The following SHISA9 variants were observed in gnomAD, a reference collection of about 807,000 sequenced individuals.
SHISA9 encodes shisa family member 9.
In SHISA9, 13 loss-of-function variants were observed where a neutral mutation model predicts 38.0. That is an observed-to-expected ratio of 0.34 (90% CI 0.22 to 0.54). The LOEUF (loss-of-function observed/expected upper bound fraction) is 0.54, where lower values mean the gene tolerates loss of function less well. Among genes scored for constraint, SHISA9 ranks in the 20% least tolerant of loss-of-function variants. The pLI, the probability that SHISA9 is intolerant of heterozygous loss-of-function variation, is 0.91. For missense variants in SHISA9, 538 were observed against 575.8 expected, an observed-to-expected ratio of 0.93 and a Z score of 0.67; for synonymous variants, 275 against 242.0, an observed-to-expected ratio of 1.14 and a Z score of -1.27.
intron 2 of SHISA9, among the ~76,000 whole-genome samples, chr16:13,075,048 T>C (rs1320599043): frequency 6.6e-6 from 1 of 152,166 alleles, no homozygotes; most frequent in Admixed American, 6.5e-5. Flanking sequence ...GTAGAGATGA[T>C]TGTACCCAGT....
chr16:12,965,827 A>G (rs1474957467), intron 2 of SHISA9, among the ~76,000 whole-genome samples: 1 of 152,250 alleles, frequency 6.6e-6, no homozygotes, highest in Non-Finnish European at 1.5e-5. Context: ...GTCAGTGCTC[A>G]GTAAATAAGA....
chr16:13,492,163 C>A, the SHISA9 span, among the ~76,000 whole-genome samples: 3 of 151,966 alleles, frequency 2.0e-5, no homozygotes, highest in African/African-American at 7.3e-5. Context: ...TGATAACCAG[C>A]CCTAGTCAAT....
chr16:13,380,000 ATTATT>A, the SHISA9 span, among the ~76,000 whole-genome samples: 59 of 152,294 alleles, frequency 3.9e-4, no homozygotes, highest in African/African-American at 1.4e-3. Flanking sequence ...AAAGATAACA[ATTATT>A]TTAAAGAATT....
At chr16:12,970,392 T>TATATATATAC (rs1567357003) in intron 2 of SHISA9, among the ~76,000 whole-genome samples, 699 of 9,604 alleles carry the variant, frequency 0.073, 31 homozygotes, top group East Asian at 0.15. Flanking sequence ...CATATATGTA[T>TATATATATAC]ATATATATAT....
chr16:13,182,258 CA>C (rs1361698329), intron 2 of SHISA9, among the ~76,000 whole-genome samples: 2 of 152,088 alleles, frequency 1.3e-5, no homozygotes, highest in South Asian at 2.1e-4. Flanking sequence ...CGGTGAGGGA[CA>C]GGGGACATCA....
intron 3 of SHISA9, among the ~76,000 whole-genome samples, chr16:13,207,542 G>C (rs933001985): frequency 6.6e-6 from 1 of 151,920 alleles, no homozygotes; most frequent in African/African-American, 2.4e-5. Flanking sequence ...AGCATCCCAC[G>C]TGGGACACCT....
At chr16:13,355,844 C>T in the SHISA9 span, among the ~76,000 whole-genome samples, 2 of 152,154 alleles carry the variant, frequency 1.3e-5, no homozygotes, top group East Asian at 1.9e-4. Flanking sequence ...GCCGCTAAGC[C>T]GAGAAGATCT....
At chr16:13,103,389 G>A (rs2073897470) in intron 2 of SHISA9, among the ~76,000 whole-genome samples, 1 of 152,166 alleles carries the variant, frequency 6.6e-6, no homozygotes, top group African/African-American at 2.4e-5. Context: ...TTATGTTTCT[G>A]AGATGAATTA....
At chr16:13,070,472 G>A (rs907440220) in intron 2 of SHISA9, among the ~76,000 whole-genome samples, 1 of 152,198 alleles carries the variant, frequency 6.6e-6, no homozygotes, top group African/African-American at 2.4e-5. Context: ...ATTCCCCTTT[G>A]GGGGAGGGAC....
the SHISA9 span, among the ~76,000 whole-genome samples, chr16:13,420,169 C>A: frequency 8.2e-6 from 1 of 122,682 alleles, no homozygotes; most frequent in Non-Finnish European, 1.6e-5. Flanking sequence ...TTGCTTGAAT[C>A]TGGAGCGGGG....
chr16:13,485,355 TGCAAA>T, the SHISA9 span, among the ~76,000 whole-genome samples: 1 of 152,190 alleles, frequency 6.6e-6, no homozygotes, highest in Non-Finnish European at 1.5e-5. Context: ...TCCGTGTCCC[TGCAAA>T]GGACATGAGC....
the SHISA9 span, among the ~76,000 whole-genome samples, chr16:13,354,310 G>A: frequency 2.0e-5 from 1 of 50,864 alleles, no homozygotes; most frequent in Non-Finnish European, 4.2e-5. Flanking sequence ...AATTAGGCCT[G>A]GTGGAACCGC....
intron 2 of SHISA9, among the ~76,000 whole-genome samples, chr16:13,099,839 T>C (rs1450115221): frequency 6.6e-6 from 1 of 152,234 alleles, no homozygotes; most frequent in East Asian, 1.9e-4. Flanking sequence ...ATCAGAGTTA[T>C]ACTTTACAAA....
chr16:13,487,558 G>T, the SHISA9 span, among the ~76,000 whole-genome samples: 2 of 152,182 alleles, frequency 1.3e-5, no homozygotes, highest in African/African-American at 4.8e-5. Context: ...TTTCATGACG[G>T]ATCTGCCCCC....
chr16:13,223,606 G>T (rs2051250684), intron 4 of SHISA9, among the ~76,000 whole-genome samples: 1 of 152,108 alleles, frequency 6.6e-6, no homozygotes, highest in Non-Finnish European at 1.5e-5. Flanking sequence ...CAACACGTTG[G>T]TTCTTTGTCA....
At chr16:13,411,512 C>T in the SHISA9 span, among the ~76,000 whole-genome samples, 4 of 152,352 alleles carry the variant, frequency 2.6e-5, no homozygotes, top group Admixed American at 6.5e-5. Flanking sequence ...CATCTAAAGG[C>T]TAGCAGTCCA....
At chr16:13,075,585 T>G (rs1206745558) in intron 2 of SHISA9, among the ~76,000 whole-genome samples, 1 of 152,182 alleles carries the variant, frequency 6.6e-6, no homozygotes, top group Non-Finnish European at 1.5e-5. Flanking sequence ...ACCTAAGGCT[T>G]TCTGGATTTG....
At chr16:13,174,483 A>G (rs1476563735) in intron 2 of SHISA9, among the ~76,000 whole-genome samples, 1 of 152,206 alleles carries the variant, frequency 6.6e-6, no homozygotes, top group African/African-American at 2.4e-5. Context: ...GTCCTCAGAG[A>G]GATAGCGATG....
At chr16:13,535,492 C>G in the SHISA9 span, among the ~76,000 whole-genome samples, 11 of 152,292 alleles carry the variant, frequency 7.2e-5, no homozygotes, top group South Asian at 1.5e-3. Flanking sequence ...CCCAAGCCAG[C>G]CAGCAACCTG....
Sources: allele counts gnomAD v4.1 joint callset (sites outside exome capture counted in the v4.1 genomes callset), GRCh38; gene constraint gnomAD v4.1.1; transcripts MANE v1.5; gene names NCBI Gene and HGNC (gene_info 2026-07-23, HGNC 2026-07-21).